EIF2B3: variants seen among roughly 807,000 people sequenced by gnomAD.
The protein encoded by EIF2B3 is translation initiation factor eIF2B subunit gamma.
Under a neutral mutation model 54.1 loss-of-function variants are expected in EIF2B3, and 20 were observed. That is an observed-to-expected ratio of 0.37 (90% CI 0.26 to 0.54). The LOEUF is 0.54. Ranked by LOEUF, EIF2B3 falls within the 20% of genes least tolerant of loss-of-function variation. EIF2B3 has a pLI of 0.86. For synonymous variants in EIF2B3, 153 were observed against 188.1 expected (o/e 0.81, Z 1.52); for missense variants, 448 against 547.8 (o/e 0.82, Z 1.82).
chr1:44,879,649 T>C (rs756595080), intron 8 of EIF2B3, among the ~76,000 whole-genome samples, 169 bp downstream of exon 8: 1 of 152,164 alleles, frequency 6.6e-6, no homozygotes, highest in Non-Finnish European at 1.5e-5. Context: ...CTTCCCTTTT[T>C]GCTGCACCTG....
At chr1:44,910,830 T>C (rs939698454) in intron 5 of EIF2B3, among the ~76,000 whole-genome samples, 1 of 151,942 alleles carries the variant, frequency 6.6e-6, no homozygotes, top group Non-Finnish European at 1.5e-5. Context: ...GTCATTGTCC[T>C]TTTCTCTCTC....
In EIF2B3 at chr1:44,874,664, AG is replaced by A; in HGVS notation, c.1202+13del. On this transcript the variant is annotated intron_variant, in intron 10 of 11. Coordinates refer to ENST00000360403, the MANE Select transcript of EIF2B3 (RefSeq NM_020365.5). The stretch of plus-strand genomic sequence containing the variant: ...CATTATCTTTGCCTCAAGTGGGTAC[AG>A]GGGGAAACATACCCTTCCTCCACAG... The A allele has an allele frequency of 1.9e-6, 3 of 1,613,968 alleles. No homozygotes were observed. The highest frequency in any genetic ancestry group is 1.1e-5 in the South Asian group (1 of 91,058).
intron 3 of EIF2B3, among the ~76,000 whole-genome samples, chr1:44,969,183 C>T (rs149979089): frequency 2.2e-3 from 338 of 152,218 alleles, no homozygotes; most frequent in African/African-American, 7.9e-3. Flanking sequence ...ACTGCCTTGC[C>T]AAAAATTCAA....
intron 3 of EIF2B3, among the ~76,000 whole-genome samples, chr1:44,944,466 G>A (rs1358496510): frequency 1.3e-5 from 2 of 150,154 alleles, no homozygotes; most frequent in African/African-American, 4.9e-5. Flanking sequence ...CTGCACTTCT[G>A]CCTGGGTGAC....
At chr1:44,927,412 C>A (rs540796679) in intron 4 of EIF2B3, among the ~76,000 whole-genome samples, 2 of 152,126 alleles carry the variant, frequency 1.3e-5, no homozygotes, top group South Asian at 4.2e-4. Context: ...AGATGCCATA[C>A]ACCTTTAAAT....
chr1:44,911,934 C>T (rs1643525273), intron 5 of EIF2B3, among the ~76,000 whole-genome samples: 2 of 148,866 alleles, frequency 1.3e-5, no homozygotes, highest in Admixed American at 6.8e-5. Context: ...TCAATTCCCA[C>T]CTATGAGTGA....
intron 2 of EIF2B3, among the ~76,000 whole-genome samples, chr1:44,978,957 A>G (rs1644483999): frequency 6.6e-6 from 1 of 151,744 alleles, no homozygotes; most frequent in South Asian, 2.1e-4. Context: ...TAATTCTTAG[A>G]ACAATCTCAT....
At chr1:44,870,516 C>T (rs548929146) in intron 10 of EIF2B3, among the ~76,000 whole-genome samples, 114 of 152,290 alleles carry the variant, frequency 7.5e-4, no homozygotes, top group African/African-American at 2.6e-3. Context: ...TCCTTAGATT[C>T]CTTTTCTTAT....
rs569808802 is a variant in EIF2B3 at position 44,958,435 on chromosome 1, C to G, written c.295-16770G>C. The G allele has an allele frequency of 5.3e-6, 3 of 570,708 alleles. No individual in the cohort carries two copies. In the East Asian group the frequency reaches 8.7e-5, roughly 17 times the overall value. 35.4% of individuals were successfully genotyped at this position (570,708 alleles called of 1,614,324 possible). ...AAATTTTAAGAGACCGAAACCAGAT[C>G]GGAGTCTCACTGTTCCAGTCTGGAC... On this transcript the variant is annotated intron_variant, in intron 3 of 11. Transcript: ENST00000360403.
intron 4 of EIF2B3, among the ~76,000 whole-genome samples, chr1:44,936,288 G>C (rs1386239122): frequency 2.8e-4 from 42 of 151,970 alleles, no homozygotes; most frequent in East Asian, 1.2e-3. Flanking sequence ...CACTAGAAAA[G>C]TTACATGTGG....
At chr1:44,910,631 CTTTTTTTTTT>C (rs60757270) in intron 5 of EIF2B3, among the ~76,000 whole-genome samples, 64 of 61,412 alleles carry the variant, frequency 1.0e-3, no homozygotes, top group South Asian at 2.3e-3. Flanking sequence ...CCAAGTAATG[CTTTTTTTTTT>C]TTTTTTTTTT....
In EIF2B3 at chr1:44,922,836, A is replaced by ATTTTTTTTTTTTTTTTTTTTT. The variant is rs386366852; in HGVS notation, c.566+3771_566+3791dup. Reference sequence around the variant, plus strand: ...ATTACTTTCTTGATTTCTTTTTCAGATTTTTTTTTTTTTTTTTTTTTTTTT... The same window carrying ATTTTTTTTTTTTTTTTTTTTT: ...ATTACTTTCTTGATTTCTTTTTCAGATTTTTTTTTTTTTTTTTTTTTTTTTTTTTTTTTTTTTTTTTTTTTT... On this transcript the variant is annotated intron_variant, in intron 5 of 11. Coordinates refer to ENST00000360403, the MANE Select transcript of EIF2B3 (RefSeq NM_020365.5). Among the ~76,000 whole-genome samples the ATTTTTTTTTTTTTTTTTTTTT allele has an allele frequency of 3.7e-4, 21 of 56,656 alleles. 5 individuals are homozygous for ATTTTTTTTTTTTTTTTTTTTT. The highest frequency in any genetic ancestry group is 8.3e-4 in the African/African-American group (12 of 14,532). 37.2% of individuals were successfully genotyped at this position (56,656 alleles called of 152,430 possible).
In EIF2B3 at chr1:44,968,637, G is replaced by A. The variant is rs535138688; in HGVS notation, c.294+9678C>T. ...CATTTAGGCCGGTGCAGTGGCTCAC[G>A]CCTGTAATCCCAGCACTTTGGGAGG... On this transcript the variant is annotated intron_variant, in intron 3 of 11. Coordinates refer to ENST00000360403, the MANE Select transcript of EIF2B3 (RefSeq NM_020365.5). 3.9e-5 allele frequency among the ~76,000 whole-genome samples: 6 copies of A among 152,254 alleles called. No individual in the cohort carries two copies. The South Asian group carries it at 6.2e-4, about 16-fold the overall frequency.
At chr1:44,876,197 C>T (rs1385033002) in intron 8 of EIF2B3, among the ~76,000 whole-genome samples, 4 of 152,000 alleles carry the variant, frequency 2.6e-5, no homozygotes, top group Admixed American at 1.3e-4. Flanking sequence ...TCTGCCCGGC[C>T]GCCACACCGT....
intron 11 of EIF2B3, among the ~76,000 whole-genome samples, chr1:44,855,560 C>CTT (rs879797686): frequency 5.5e-5 from 8 of 144,352 alleles, no homozygotes; most frequent in African/African-American, 1.8e-4. Flanking sequence ...CCTTGAGGAT[C>CTT]TTTTTTTTTT....
chr1:44,934,493 T>A (rs1370294449), intron 4 of EIF2B3, among the ~76,000 whole-genome samples: 2 of 151,864 alleles, frequency 1.3e-5, no homozygotes, highest in Admixed American at 1.3e-4. Flanking sequence ...TTTTTAATTT[T>A]TTATTATTTT....
chr1:44,927,235 A>G (rs193134055), intron 4 of EIF2B3, among the ~76,000 whole-genome samples: 292 of 152,266 alleles, frequency 1.9e-3, no homozygotes, highest in African/African-American at 6.7e-3. Flanking sequence ...GGTAATTTAC[A>G]AAGAAAGATT....
At chr1:44,937,793 A>C (rs1003628327) in intron 4 of EIF2B3, among the ~76,000 whole-genome samples, 7 of 146,592 alleles carry the variant, frequency 4.8e-5, no homozygotes, top group African/African-American at 1.8e-4. Context: ...CTGAGGCAGG[A>C]GAATGCCGTG....
intron 3 of EIF2B3, among the ~76,000 whole-genome samples, chr1:44,948,509 C>T (rs1309919367): frequency 6.6e-6 from 1 of 151,832 alleles, no homozygotes; most frequent in Non-Finnish European, 1.5e-5. Context: ...GTTTTCCAAA[C>T]ATCAAAAAAG....
Sources: gnomAD v4.1 joint callset for allele counts (sites outside exome capture counted in the v4.1 genomes callset) on GRCh38, gnomAD v4.1.1 for gene constraint, MANE v1.5 for transcripts, NCBI Gene and HGNC (gene_info 2026-07-23, HGNC 2026-07-21) for gene names.